TAGLN2: variants seen among roughly 807,000 people sequenced by gnomAD.
TAGLN2 encodes the protein transgelin-2.
In TAGLN2, 14 loss-of-function variants were observed where a neutral mutation model predicts 24.9. The ratio of observed to expected loss-of-function variants is 0.56; its 90% confidence interval spans 0.37 to 0.88. The LOEUF (loss-of-function observed/expected upper bound fraction) is 0.88. Among genes scored for constraint, TAGLN2 ranks in the 40% least tolerant of loss-of-function variants. TAGLN2 has a pLI of 0.00. For synonymous variants in TAGLN2, 77 were observed against 98.2 expected (o/e 0.78, Z 1.28); for missense variants, 208 against 258.9 (o/e 0.80, Z 1.35).
At chr1:159,919,881 A>C (rs1557924918) in intron 2 of TAGLN2, 46 bp from the exon 3 acceptor site, 1 of 1,597,864 alleles carries the variant, frequency 6.3e-7, no homozygotes, top group East Asian at 2.2e-5. Flanking sequence ...ATGCCTACCT[A>C]TCGCAGCTCA....
At chr1:159,922,753 A>G (rs1650573758) in intron 1 of TAGLN2, among the ~76,000 whole-genome samples, 1 of 152,136 alleles carries the variant, frequency 6.6e-6, no homozygotes, top group South Asian at 2.1e-4. Flanking sequence ...TAACCTAGAC[A>G]CTGGGGTTAA....
chr1:159,920,123 G>T (rs1557925034), intron 2 of TAGLN2: 3 of 851,830 alleles, frequency 3.5e-6, no homozygotes, highest in Non-Finnish European at 5.8e-6. Flanking sequence ...CCACTGCCTG[G>T]GAGGCACATT....
intron 1 of TAGLN2, among the ~76,000 whole-genome samples, chr1:159,920,890 C>T (rs1037979502): frequency 4.6e-5 from 7 of 152,098 alleles, no homozygotes; most frequent in Non-Finnish European, 7.4e-5. Context: ...AGTAGAAGTC[C>T]TTGGTCCTCA....
chr1:159,925,236 G>A (rs550771478), intron 1 of TAGLN2: 1 of 152,362 alleles, frequency 6.6e-6, no homozygotes, highest in Admixed American at 6.5e-5. Context: ...GTCTATGCAT[G>A]GGCTAACCTC....
chr1:159,920,169 G>T, intron 2 of TAGLN2, 161 bp downstream of exon 2: 1 of 1,186,048 alleles, frequency 8.4e-7, no homozygotes, highest in Non-Finnish European at 1.2e-6. Flanking sequence ...AGGGAGGAAA[G>T]CATGGGCCCT....
Position 159,918,656 on chromosome 1 carries a change from A to T in TAGLN2, c.*144T>A. 8.7e-7 allele frequency: 1 copy of T among 1,150,326 alleles called. No homozygotes were observed. Among genetic ancestry groups the T allele is most frequent in the Non-Finnish European group, 1.2e-6 (1 of 813,336 alleles). The allele number at this position is 1,150,326 out of a possible 1,614,324, so 71.3% of individuals were successfully genotyped here. A position where few individuals can be genotyped will look rare whatever the true frequency, so the allele number is the denominator to read the frequency against. On this transcript the variant is annotated 3_prime_UTR_variant, in exon 5 of 5. Coordinates refer to ENST00000368097, the MANE Select transcript of TAGLN2 (RefSeq NM_003564.3). ...GAGAGGATGCCAGCAGGCACCTCAG[A>T]GGTGACAGGACAGGCTGAACCCCCC... is the stretch of plus-strand genomic sequence containing the variant.
Position 159,919,824 on chromosome 1 carries a change from C to G in TAGLN2, c.192G>C (p.Glu64Asp), listed in dbSNP as rs1376662511. 6.2e-7 allele frequency: 1 copy of G among 1,613,846 alleles called. No homozygotes were observed. Among genetic ancestry groups the G allele is most frequent in the African/African-American group, 1.3e-5 (1 of 74,902 alleles). Residue 64 changes from glutamate to aspartate, a missense_variant, in exon 3 of 5, where the codon GAG becomes GAC. Coordinates refer to ENST00000368097, the MANE Select transcript of TAGLN2 (RefSeq NM_003564.3). The part of the protein sequence containing the change: ...NWLKDGTVLC[E>D]LINALYPEGQ... Reference sequence around the variant, plus strand: ...CCTCGGGGTACAGTGCATTAATGAGCTCACATAGCACCTGGATGAGGACAG... The same window carrying G: ...CCTCGGGGTACAGTGCATTAATGAGGTCACATAGCACCTGGATGAGGACAG...
chr1:159,918,662 C>T lies in TAGLN2; in HGVS notation c.*138G>A, dbSNP rs1650421339. On this transcript the variant is annotated 3_prime_UTR_variant, in exon 5 of 5. Transcript: ENST00000368097. ...ATGCCAGCAGGCACCTCAGAGGTGA[C>T]AGGACAGGCTGAACCCCCCACCCTG... 2.9e-5 allele frequency: 36 copies of T among 1,233,540 alleles called. No homozygotes were observed. In the East Asian group the frequency reaches 8.0e-4, roughly 28 times the overall value. 76.4% of individuals were successfully genotyped at this position (1,233,540 alleles called of 1,614,324 possible). A position where few individuals can be genotyped will look rare whatever the true frequency, so the allele number is the denominator to read the frequency against.
chr1:159,919,192 T>C, intron 4 of TAGLN2, 82 bp downstream of exon 4: 1 of 1,419,868 alleles, frequency 7.0e-7, no homozygotes, highest in Non-Finnish European at 1.0e-6. Flanking sequence ...CAGCTGCTAC[T>C]GAGATAAGTT....
Position 159,919,383 on chromosome 1 carries a change from A to G in TAGLN2, c.356-7T>C, listed in dbSNP as rs754609324. 8 of 1,614,072 alleles carry G rather than the reference A, an allele frequency of 5.0e-6. No individual in the cohort carries two copies. Among genetic ancestry groups the G allele is most frequent in the Non-Finnish European group, 5.9e-6 (7 of 1,179,902 alleles). ...ACACAGGCCATGTTCTTTCCTGGGA[A>G]GGAGAATGGGAATGTGTCAGCCTCC... On this transcript the variant is annotated splice_polypyrimidine_tract_variant and splice_region_variant and intron_variant, in intron 3 of 4. Transcript: ENST00000368097.
intron 1 of TAGLN2, among the ~76,000 whole-genome samples, chr1:159,921,516 T>C (rs1650532182): frequency 6.6e-6 from 1 of 152,154 alleles, no homozygotes; most frequent in Non-Finnish European, 1.5e-5. Context: ...TGCCAACACC[T>C]GTATTTTAGC....
chr1:159,922,283 A>C (rs957065750), intron 1 of TAGLN2, among the ~76,000 whole-genome samples: 1 of 152,176 alleles, frequency 6.6e-6, no homozygotes, highest in Non-Finnish European at 1.5e-5. Context: ...CCAGCTTATC[A>C]AGCTGCACAT....
rs1226180915 is a variant in TAGLN2 at position 159,919,310 on chromosome 1, T to C, written c.422A>G (p.Asp141Gly). 2 of 1,614,050 alleles carry C rather than the reference T, an allele frequency of 1.2e-6. No homozygotes were observed. Among genetic ancestry groups the C allele is most frequent in the Non-Finnish European group, 1.7e-6 (2 of 1,180,024 alleles). ...GTTGGGATCCCCAGAGAAGAGCCCA[T>C]CATCTCGGGCTACTGCCAGCCCACC... ...NLGGLAVARD[D>G]GLFSGDPNWF... The change falls in exon 4 of 5, where the codon GAT becomes GGT. Residue 141 changes from aspartate to glycine, a missense_variant. Coordinates refer to ENST00000368097, the MANE Select transcript of TAGLN2 (RefSeq NM_003564.3).
chr1:159,923,627 C>T (rs1474876500), intron 1 of TAGLN2: 13 of 683,344 alleles, frequency 1.9e-5, no homozygotes. Context: ...GTGAGGGCAC[C>T]AGCCCACAGA....
chr1:159,918,683 C>T lies in TAGLN2; in HGVS notation c.*117G>A, dbSNP rs1650422130. The T allele has an allele frequency of 4.2e-6, 6 of 1,435,954 alleles. No individual in the cohort carries two copies. The highest frequency in any genetic ancestry group is 5.7e-6 in the Non-Finnish European group (6 of 1,060,878). 89.0% of individuals were successfully genotyped at this position (1,435,954 alleles called of 1,614,324 possible). On this transcript the variant is annotated 3_prime_UTR_variant, in exon 5 of 5. Coordinates refer to ENST00000368097, the MANE Select transcript of TAGLN2 (RefSeq NM_003564.3). ...GTGACAGGACAGGCTGAACCCCCCA[C>T]CCTGACAGAAAGGAGCTTGAGAGCT... is the stretch of plus-strand genomic sequence containing the variant.
In TAGLN2 at chr1:159,919,387, G is replaced by A. The variant is rs1219766651; in HGVS notation, c.356-11C>T. On this transcript the variant is annotated splice_polypyrimidine_tract_variant and intron_variant, in intron 3 of 4. Coordinates refer to ENST00000368097, the MANE Select transcript of TAGLN2 (RefSeq NM_003564.3). The stretch of plus-strand genomic sequence containing the variant: ...AGGCCATGTTCTTTCCTGGGAAGGA[G>A]AATGGGAATGTGTCAGCCTCCGCAG... 1 of 1,613,416 alleles carries A rather than the reference G, an allele frequency of 6.2e-7. No homozygotes were observed. Among genetic ancestry groups the A allele is most frequent in the Non-Finnish European group, 8.5e-7 (1 of 1,179,308 alleles).
Position 159,918,726 on chromosome 1 carries a change from T to C in TAGLN2, c.*74A>G, listed in dbSNP as rs1291324805. The C allele has an allele frequency of 3.2e-6, 5 of 1,547,232 alleles. No homozygotes were observed. The highest frequency in any genetic ancestry group is 4.4e-6 in the Non-Finnish European group (5 of 1,142,728). On this transcript the variant is annotated 3_prime_UTR_variant, in exon 5 of 5. Coordinates refer to ENST00000368097, the MANE Select transcript of TAGLN2 (RefSeq NM_003564.3). ...TGAGAGCTCTGGGGCTCTCTGGGAA[T>C]GTCACTGCTAAAATATATATCTACA... is the stretch of plus-strand genomic sequence containing the variant.
chr1:159,919,624 C>A, intron 3 of TAGLN2, 37 bp downstream of exon 3: 1 of 1,604,748 alleles, frequency 6.2e-7, no homozygotes, highest in Non-Finnish European at 8.5e-7. Flanking sequence ...TCTCTGGCCT[C>A]CTGGATGACA....
intron 4 of TAGLN2, 61 bp downstream of exon 4, chr1:159,919,213 G>C: frequency 6.6e-7 from 1 of 1,512,654 alleles, no homozygotes; most frequent in Non-Finnish European, 9.2e-7. Context: ...ATTTCCTAGG[G>C]ACAGGATTGG....
Sources: gnomAD v4.1 joint callset for allele counts (sites outside exome capture counted in the v4.1 genomes callset) on GRCh38, gnomAD v4.1.1 for gene constraint, MANE v1.5 for transcripts, NCBI Gene and HGNC (gene_info 2026-07-23, HGNC 2026-07-21) for gene names.